PAK1: variants seen among roughly 807,000 people sequenced by gnomAD.
PAK1 encodes serine/threonine-protein kinase PAK 1.
Under a neutral mutation model 67.4 loss-of-function variants are expected in PAK1, and 29 were observed. The ratio of observed to expected loss-of-function variants is 0.43; its 90% CI spans 0.32 to 0.59. The LOEUF (loss-of-function observed/expected upper bound fraction) is 0.59. PAK1 is among the 20% of genes least tolerant of loss of function. The pLI is 0.07. For missense variants in PAK1, 337 were observed against 670.7 expected, an observed-to-expected ratio of 0.50 and a Z score of 5.50; for synonymous variants, 223 against 237.4, an observed-to-expected ratio of 0.94 and a Z score of 0.56.
chr11:77,509,729 T>C, the PAK1 span, among the ~76,000 whole-genome samples: 1 of 152,160 alleles, frequency 6.6e-6, no homozygotes, highest in East Asian at 1.9e-4. Context: ...TTTAAAAGTA[T>C]GTGGCACCTC....
chr11:77,448,854 A>G (rs190040838), intron 1 of PAK1, among the ~76,000 whole-genome samples: 9 of 152,350 alleles, frequency 5.9e-5, no homozygotes, highest in Middle Eastern at 3.4e-3. Context: ...GAAACTATTT[A>G]GCTGGAGAAG....
the PAK1 span, among the ~76,000 whole-genome samples, chr11:77,491,515 T>TGAGA: frequency 1.3e-5 from 2 of 151,366 alleles, no homozygotes; most frequent in Non-Finnish European, 2.9e-5. Flanking sequence ...AGTGATAGAG[T>TGAGA]GAGACTCTGC....
At chr11:77,326,122 A>T (rs1939770988) in intron 14 of PAK1, among the ~76,000 whole-genome samples, 1 of 152,244 alleles carries the variant, frequency 6.6e-6, no homozygotes, top group Non-Finnish European at 1.5e-5. Flanking sequence ...AGTGGGCAAT[A>T]CAATAAAAGA....
chr11:77,447,222 T>C (rs1956653232), intron 1 of PAK1, among the ~76,000 whole-genome samples: 2 of 152,306 alleles, frequency 1.3e-5, no homozygotes, highest in South Asian at 4.1e-4. Flanking sequence ...TTGGCCTTCT[T>C]TACCAACTCC....
At chr11:77,343,764 A>G in intron 10 of PAK1, 55 bp downstream of exon 10, 2 of 1,029,064 alleles carry the variant, frequency 1.9e-6, no homozygotes, top group South Asian at 1.3e-5. Flanking sequence ...TAACAGCTTC[A>G]CCACCAATCA....
At chr11:77,382,813 C>G (rs59602069) in intron 2 of PAK1, among the ~76,000 whole-genome samples, 1 of 152,088 alleles carries the variant, frequency 6.6e-6, no homozygotes, top group African/African-American at 2.4e-5. Context: ...GCCTGGCCAA[C>G]ATGGTGAAAC....
At chr11:77,450,911 C>T (rs1234526332) in intron 1 of PAK1, among the ~76,000 whole-genome samples, 2 of 152,106 alleles carry the variant, frequency 1.3e-5, no homozygotes, top group African/African-American at 2.4e-5. Context: ...GGCAGAAGAG[C>T]TTGCCTATGT....
At chr11:77,481,622 C>T in the PAK1 span, among the ~76,000 whole-genome samples, 1 of 145,926 alleles carries the variant, frequency 6.9e-6, no homozygotes, top group African/African-American at 2.6e-5. Context: ...TTGCAGTGAG[C>T]CGAGATTGTG....
At position 77,323,164 on chromosome 11, in the gene PAK1, G is replaced by T. The variant is rs1317518507; in HGVS notation, c.*110C>A. On this transcript the variant is annotated 3_prime_UTR_variant, in exon 15 of 15. Coordinates refer to ENST00000356341, the MANE Select transcript of PAK1 (RefSeq NM_002576.5). ...AAAGTCTTGAGGAGTGCTAGATCAG[G>T]AAATGGGAGAAGCAAGGCAAGGAGA... 1 of 1,561,498 alleles carries T rather than the reference G, an allele frequency of 6.4e-7. No homozygotes were observed.
Position 77,355,845 on chromosome 11 carries a change from G to A in PAK1, c.598-3C>T. On this transcript the variant is annotated splice_region_variant and splice_polypyrimidine_tract_variant and intron_variant, in intron 6 of 14. Coordinates refer to ENST00000356341, the MANE Select transcript of PAK1 (RefSeq NM_002576.5). ...TCAATCACAGACCGTGTGTATACCTGCATTATTAGTGCAAAATTTTGGCAA... is the reference window on the plus strand; with the variant it reads ...TCAATCACAGACCGTGTGTATACCTACATTATTAGTGCAAAATTTTGGCAA... 9 of 1,612,064 alleles carry A rather than the reference G, an allele frequency of 5.6e-6. No homozygotes were observed. The highest frequency in any genetic ancestry group is 7.6e-6 in the Non-Finnish European group (9 of 1,178,658).
At chr11:77,407,212 T>C (rs1182429423) in intron 1 of PAK1, among the ~76,000 whole-genome samples, 1 of 152,220 alleles carries the variant, frequency 6.6e-6, no homozygotes, top group Non-Finnish European at 1.5e-5. Flanking sequence ...CCTTCCCCTT[T>C]TTGTGTTACA....
intron 2 of PAK1, among the ~76,000 whole-genome samples, chr11:77,391,614 C>CA (rs1565655723): frequency 6.6e-6 from 1 of 152,184 alleles, no homozygotes; most frequent in South Asian, 2.1e-4. Context: ...TGGTACCAAA[C>CA]AAAAGTCATC....
intron 10 of PAK1, among the ~76,000 whole-genome samples, chr11:77,341,327 G>A (rs992464334): frequency 3.3e-5 from 5 of 152,122 alleles, no homozygotes; most frequent in Admixed American, 1.3e-4. Flanking sequence ...AATATTAAAC[G>A]AAATAATGTT....
chr11:77,337,750 T>C (rs1005463515), intron 11 of PAK1, among the ~76,000 whole-genome samples: 2 of 151,818 alleles, frequency 1.3e-5, no homozygotes, highest in Admixed American at 1.3e-4. Flanking sequence ...TGAAGAAAAA[T>C]GGAAAGGATC....
the PAK1 span, among the ~76,000 whole-genome samples, chr11:77,487,764 A>G: frequency 6.6e-6 from 1 of 152,184 alleles, no homozygotes. Flanking sequence ...GCTCAGTCAC[A>G]GTAGAATAGA....
chr11:77,341,803 G>T (rs1300228279), intron 10 of PAK1, among the ~76,000 whole-genome samples: 1 of 152,164 alleles, frequency 6.6e-6, no homozygotes, highest in East Asian at 1.9e-4. Context: ...ACTGTTGGAA[G>T]ATTTTAACAA....
At chr11:77,375,443 T>C (rs1272788556) in intron 4 of PAK1, among the ~76,000 whole-genome samples, 2 of 152,188 alleles carry the variant, frequency 1.3e-5, no homozygotes, top group Non-Finnish European at 2.9e-5. Context: ...CTGTCAAGTC[T>C]AATTAAAGGT....
At chr11:77,464,765 TAC>T (rs1489491541) in intron 1 of PAK1, among the ~76,000 whole-genome samples, 1 of 152,224 alleles carries the variant, frequency 6.6e-6, no homozygotes, top group African/African-American at 2.4e-5. Context: ...TACGTTCACC[TAC>T]AGTTATGCAA....
At chr11:77,430,482 T>C (rs1203021922) in intron 1 of PAK1, among the ~76,000 whole-genome samples, 1 of 152,222 alleles carries the variant, frequency 6.6e-6, no homozygotes, top group Non-Finnish European at 1.5e-5. Context: ...CTAGTACTGT[T>C]TAGACAGTGG....
Sources: allele counts gnomAD v4.1 joint callset (sites outside exome capture counted in the v4.1 genomes callset), GRCh38; gene constraint gnomAD v4.1.1; transcripts MANE v1.5; gene names NCBI Gene and HGNC (gene_info 2026-07-23, HGNC 2026-07-21).